The following CTNNA3 variants were observed in gnomAD, a reference collection of about 807,000 sequenced individuals.
The protein encoded by CTNNA3 is catenin alpha-3.
CTNNA3 carries 76 observed loss-of-function variants against 95.7 expected under a neutral mutation model. That is an observed-to-expected ratio of 0.79 (90% CI 0.66 to 0.96). CTNNA3 has a LOEUF of 0.96. Ranked by LOEUF, CTNNA3 falls within the 40% of genes least tolerant of loss-of-function variation. The pLI is 0.00. For missense variants in CTNNA3, 1,191 were observed against 1,089.8 expected, an observed-to-expected ratio of 1.09 and a Z score of -1.31; for synonymous variants, 431 against 374.4, an observed-to-expected ratio of 1.15 and a Z score of -1.74.
chr10:65,937,670 A>G (rs368517392), intron 17 of CTNNA3, among the ~76,000 whole-genome samples: 214 of 152,288 alleles, frequency 1.4e-3, no homozygotes, highest in South Asian at 7.0e-3. Context: ...AGCACTTACC[A>G]AAGTGAACTG....
chr10:67,249,901 G>C (rs1391254512), intron 5 of CTNNA3, among the ~76,000 whole-genome samples: 3 of 152,182 alleles, frequency 2.0e-5, no homozygotes, highest in African/African-American at 7.2e-5. Context: ...AACCCACACA[G>C]ACATGGGTAG....
At chr10:67,711,775 T>G (rs1428722188) in intron 1 of CTNNA3, among the ~76,000 whole-genome samples, 4 of 128,276 alleles carry the variant, frequency 3.1e-5, no homozygotes, top group African/African-American at 5.9e-5. Flanking sequence ...GATGTTCCCC[T>G]TCCTGTGTCC....
intron 11 of CTNNA3, among the ~76,000 whole-genome samples, chr10:66,437,884 G>T (rs539790399): frequency 6.6e-6 from 1 of 151,936 alleles, no homozygotes; most frequent in Non-Finnish European, 1.5e-5. Flanking sequence ...GGGTTTTTGC[G>T]TGGGTGTCCT....
intron 16 of CTNNA3, among the ~76,000 whole-genome samples, chr10:65,971,223 A>T (rs541254248): frequency 6.6e-6 from 1 of 152,098 alleles, no homozygotes; most frequent in South Asian, 2.1e-4. Context: ...AAAGATCTCA[A>T]ATTAATGATT....
chr10:66,224,288 C>T (rs2131988881), intron 13 of CTNNA3, among the ~76,000 whole-genome samples: 1 of 152,252 alleles, frequency 6.6e-6, no homozygotes, highest in Non-Finnish European at 1.5e-5. Flanking sequence ...CTCTGGAGAA[C>T]TCTGACTAAT....
chr10:67,577,811 T>C (rs1031314289), intron 3 of CTNNA3, among the ~76,000 whole-genome samples: 5 of 151,926 alleles, frequency 3.3e-5, no homozygotes, highest in South Asian at 4.2e-4. Flanking sequence ...AGTGCTGCAA[T>C]AAACATACAA....
intron 15 of CTNNA3, among the ~76,000 whole-genome samples, chr10:66,044,808 C>T (rs1195260519): frequency 6.6e-6 from 1 of 152,150 alleles, no homozygotes; most frequent in Non-Finnish European, 1.5e-5. Flanking sequence ...TAACAATCAC[C>T]ATTTATTGTG....
chr10:66,327,330 G>A (rs1213996279), intron 12 of CTNNA3, among the ~76,000 whole-genome samples: 1 of 152,010 alleles, frequency 6.6e-6, no homozygotes, highest in Non-Finnish European at 1.5e-5. Context: ...TCACAGTAGG[G>A]AAACAACCAT....
chr10:67,608,422 A>T (rs1444849941), intron 2 of CTNNA3, among the ~76,000 whole-genome samples: 2 of 152,176 alleles, frequency 1.3e-5, no homozygotes, highest in Non-Finnish European at 2.9e-5. Context: ...TGACTGTTTT[A>T]TCAAAGTTCT....
intron 7 of CTNNA3, among the ~76,000 whole-genome samples, chr10:66,990,868 T>C (rs2132933649): frequency 6.6e-6 from 1 of 152,344 alleles, no homozygotes; most frequent in East Asian, 1.9e-4. Flanking sequence ...ATCTTTAGCA[T>C]GTCAATTTCA....
chr10:66,631,192 C>T (rs1478785635), intron 9 of CTNNA3, among the ~76,000 whole-genome samples: 1 of 152,148 alleles, frequency 6.6e-6, no homozygotes, highest in African/African-American at 2.4e-5. Context: ...TTTTGCTTTA[C>T]CTCTCTGTCT....
At chr10:66,500,999 T>C (rs1840260446) in intron 11 of CTNNA3, among the ~76,000 whole-genome samples, 1 of 152,174 alleles carries the variant, frequency 6.6e-6, no homozygotes, top group Admixed American at 6.5e-5. Flanking sequence ...CCTAATGCGA[T>C]GAAAGCCTGA....
chr10:66,688,730 G>C (rs1223533504), intron 9 of CTNNA3, among the ~76,000 whole-genome samples: 1 of 151,890 alleles, frequency 6.6e-6, no homozygotes, highest in Non-Finnish European at 1.5e-5. Flanking sequence ...CCAGCACTTT[G>C]GGAGGTTGAG....
At chr10:66,554,853 A>G (rs895921114) in intron 10 of CTNNA3, among the ~76,000 whole-genome samples, 10 of 151,570 alleles carry the variant, frequency 6.6e-5, no homozygotes, top group African/African-American at 2.2e-4. Flanking sequence ...TCTCTCACTG[A>G]CACTGTTAAT....
chr10:66,188,630 T>TGTGTGC (rs1479469096), intron 13 of CTNNA3, among the ~76,000 whole-genome samples: 16 of 150,072 alleles, frequency 1.1e-4, no homozygotes, highest in Admixed American at 4.0e-4. Flanking sequence ...TGTGTGTGTG[T>TGTGTGC]GCCACAATTT....
chr10:67,403,566 G>T (rs1845008749), intron 5 of CTNNA3, among the ~76,000 whole-genome samples: 1 of 152,188 alleles, frequency 6.6e-6, no homozygotes, highest in African/African-American at 2.4e-5. Context: ...ATTTCTCCCT[G>T]TGATGGAGTG....
At chr10:66,015,910 T>C (rs2133406749) in intron 15 of CTNNA3, among the ~76,000 whole-genome samples, 1 of 152,288 alleles carries the variant, frequency 6.6e-6, no homozygotes, top group South Asian at 2.1e-4. Context: ...TATGCAGCAA[T>C]TTAGCAAGTA....
intron 12 of CTNNA3, among the ~76,000 whole-genome samples, chr10:66,338,428 G>A (rs996056757): frequency 2.6e-5 from 4 of 151,916 alleles, no homozygotes; most frequent in African/African-American, 9.7e-5. Flanking sequence ...TTCTTGAAAT[G>A]GGTGAATATG....
At chr10:66,036,424 A>C (rs1305253294) in intron 15 of CTNNA3, among the ~76,000 whole-genome samples, 2 of 151,968 alleles carry the variant, frequency 1.3e-5, no homozygotes, top group African/African-American at 4.8e-5. Flanking sequence ...CCCAGGCTGG[A>C]GTCTCATGGT....
Sources: allele counts gnomAD v4.1 joint callset (sites outside exome capture counted in the v4.1 genomes callset), GRCh38; gene constraint gnomAD v4.1.1; transcripts MANE v1.5; gene names NCBI Gene and HGNC (gene_info 2026-07-23, HGNC 2026-07-21).